Variants in RRH observed in about 807,000 individuals in gnomAD.
The protein encoded by RRH is retinal pigment epithelium-derived rhodopsin homolog, also known as visual pigment-like receptor peropsin.
A neutral mutation model predicts 33.1 loss-of-function variants in RRH; 36 were observed. The observed-to-expected ratio is 1.09, with a 90% CI of 0.83 to 1.44. The LOEUF is 1.44. Among genes scored for constraint, RRH ranks in the 40% most tolerant of loss-of-function variants. The probability of loss-of-function intolerance (pLI) is 0.00; values close to 1 mark genes in which losing one functional copy is unlikely to be tolerated. For missense variants in RRH, 393 were observed against 420.2 expected, an observed-to-expected ratio of 0.94 and a Z score of 0.57; for synonymous variants, 124 against 140.2, an observed-to-expected ratio of 0.88 and a Z score of 0.82.
chr4:109,838,454 G>A, intron 5 of RRH, among the ~76,000 whole-genome samples: 1 of 151,852 alleles, frequency 6.6e-6, no homozygotes, highest in East Asian at 1.9e-4. Context: ...AGCTCAGGAT[G>A]CTTTCACCTC....
chr4:109,834,112 A>T (rs1279153169), intron 2 of RRH, among the ~76,000 whole-genome samples: 1 of 152,114 alleles, frequency 6.6e-6, no homozygotes, highest in Non-Finnish European at 1.5e-5. Context: ...TGAATACTTC[A>T]GGTTTTGTGT....
chr4:109,842,567 C>T lies in RRH; in HGVS notation c.819C>T (p.Pro273=). Residue 273 remains proline, a synonymous_variant, in exon 6 of 7, where the codon CCC becomes CCT. Coordinates refer to ENST00000317735, the MANE Select transcript of RRH (RefSeq NM_006583.5). ...ASFGDPKKIP[P]PMAIIAPLFA... ...TTGGTGACCCAAAGAAGATTCCTCC[C>T]CCCATGGCCATCATAGCTCCACTGT... 6.2e-7 allele frequency: 1 copy of T among 1,613,970 alleles called. No individual in the cohort carries two copies. The highest frequency in any genetic ancestry group is 2.2e-5 in the East Asian group (1 of 44,882).
At chr4:109,843,502 T>C (rs1255881324) in intron 6 of RRH, among the ~76,000 whole-genome samples, 1 of 152,174 alleles carries the variant, frequency 6.6e-6, no homozygotes, top group Non-Finnish European at 1.5e-5. Context: ...AGCCACCGCG[T>C]CCAGCCGAGG....
rs1421126422 is a variant in RRH, at chr4:109,842,904, A to G, written c.899+257A>G. 4.6e-5 allele frequency among the ~76,000 whole-genome samples: 7 copies of G among 152,284 alleles called. No homozygotes were observed. The East Asian group carries it at 9.6e-4, about 21-fold the overall frequency. ...ACCAGCTAAGCATCCCCAAATGCCA[A>G]TTGCATCTCAGATGGCTCTCTGGCA... On this transcript the variant is annotated intron_variant, in intron 6 of 6. Transcript: ENST00000317735.
chr4:109,842,786 C>T, intron 6 of RRH, 139 bp downstream of exon 6: 1 of 747,236 alleles, frequency 1.3e-6, no homozygotes, highest in Non-Finnish European at 2.3e-6. Flanking sequence ...GGAGCAGCAT[C>T]TAGGACCTTA....
At chr4:109,842,350 G>T in intron 5 of RRH, 119 bp from the exon 6 acceptor site, 12 of 898,888 alleles carry the variant, frequency 1.3e-5, no homozygotes, top group East Asian at 6.1e-5. Context: ...TTTCCTTTAT[G>T]TCATCAAAAA....
At chr4:109,829,407 T>C (rs1269174223) in intron 1 of RRH, among the ~76,000 whole-genome samples, 1 of 136,444 alleles carries the variant, frequency 7.3e-6, no homozygotes, top group Non-Finnish European at 1.7e-5. Flanking sequence ...GTTAGTTATT[T>C]GTAGATGACC....
chr4:109,837,729 T>C, intron 5 of RRH, 124 bp downstream of exon 5: 1 of 747,548 alleles, frequency 1.3e-6, no homozygotes, highest in Non-Finnish European at 2.3e-6. Context: ...CCCAGCTCTT[T>C]CTTCTGTGTT....
At chr4:109,828,352 A>G (rs973072808) in intron 1 of RRH, among the ~76,000 whole-genome samples, 1 of 151,936 alleles carries the variant, frequency 6.6e-6, no homozygotes, top group African/African-American at 2.4e-5. Context: ...AATAAGGGAA[A>G]GCATTGTTAG....
At chr4:109,842,287 G>C (rs1733999065) in intron 5 of RRH, among the ~76,000 whole-genome samples, 182 bp from the exon 6 acceptor site, 1 of 151,792 alleles carries the variant, frequency 6.6e-6, no homozygotes, top group Non-Finnish European at 1.5e-5. Context: ...TTATCATCGA[G>C]GACTTCAGGC....
At chr4:109,838,076 G>C (rs1171570415) in intron 5 of RRH, among the ~76,000 whole-genome samples, 1 of 152,112 alleles carries the variant, frequency 6.6e-6, no homozygotes, top group Non-Finnish European at 1.5e-5. Context: ...CAATGCGCCT[G>C]GCCACTTGCC....
intron 5 of RRH, among the ~76,000 whole-genome samples, chr4:109,839,160 T>C (rs1272833289): frequency 6.6e-6 from 1 of 152,130 alleles, no homozygotes; most frequent in Non-Finnish European, 1.5e-5. Flanking sequence ...TATCTAGGTC[T>C]AGGATAAGGG....
At chr4:109,843,702 A>G (rs1034775192) in intron 6 of RRH, among the ~76,000 whole-genome samples, 1 of 152,228 alleles carries the variant, frequency 6.6e-6, no homozygotes, top group Non-Finnish European at 1.5e-5. Flanking sequence ...TGAAATACAC[A>G]TTGTTAGTTC....
intron 1 of RRH, among the ~76,000 whole-genome samples, chr4:109,829,012 A>T (rs1469709303): frequency 6.6e-6 from 1 of 152,066 alleles, no homozygotes; most frequent in Non-Finnish European, 1.5e-5. Flanking sequence ...GAATTGTGTA[A>T]CTTTTATATT....
Position 109,837,574 on chromosome 4 carries a change from G to GAGACTGGTC in RRH, c.693_701dup (p.Trp232_Asp234dup). ...AGTGACTGCACTGAGTCCCTCAACA[G>GAGACTGGTC]AGACTGGTCAGATCAGATAGATGTA... On this transcript the variant is annotated inframe_insertion, in exon 5 of 7. Transcript: ENST00000317735. 6.2e-7 allele frequency: 1 copy of GAGACTGGTC among 1,614,032 alleles called. No individual in the cohort carries two copies. Among genetic ancestry groups the GAGACTGGTC allele is most frequent in the Non-Finnish European group, 8.5e-7 (1 of 1,179,922 alleles).
intron 1 of RRH, among the ~76,000 whole-genome samples, chr4:109,829,365 T>C (rs1257307624): frequency 2.0e-5 from 3 of 151,528 alleles, no homozygotes; most frequent in African/African-American, 7.3e-5. Flanking sequence ...AACAATTACA[T>C]GGAAATACTT....
chr4:109,833,663 A>C (rs989708295), intron 2 of RRH, among the ~76,000 whole-genome samples: 1 of 152,214 alleles, frequency 6.6e-6, no homozygotes, highest in African/African-American at 2.4e-5. Flanking sequence ...CATCTGAAAC[A>C]ATAAAGTAGT....
At chr4:109,835,583 C>A in intron 3 of RRH, 118 bp downstream of exon 3, 1 of 788,118 alleles carries the variant, frequency 1.3e-6, no homozygotes, top group South Asian at 1.4e-5. Flanking sequence ...TTTTATTTCT[C>A]TGCCAATAAT....
chr4:109,832,495 AGTGTGTGTGTGTGTGTGTGTGT>A (rs36127904), intron 1 of RRH, among the ~76,000 whole-genome samples: 3 of 135,292 alleles, frequency 2.2e-5, no homozygotes, highest in African/African-American at 2.9e-5. Flanking sequence ...CTATTGGGGT[AGTGTGTGTGTGTGTGTGTGTGT>A]GTGTGTGTGT....
Sources: gnomAD v4.1 joint callset for allele counts (sites outside exome capture counted in the v4.1 genomes callset) on GRCh38, gnomAD v4.1.1 for gene constraint, MANE v1.5 for transcripts, NCBI Gene and HGNC (gene_info 2026-07-23, HGNC 2026-07-21) for gene names.